Variants in L3MBTL4 observed in about 807,000 individuals in gnomAD.
L3MBTL4 encodes lethal(3)malignant brain tumor-like protein 4.
Under a neutral mutation model 84.5 loss-of-function variants are expected in L3MBTL4, and 70 were observed. The ratio of observed to expected loss-of-function variants is 0.83; its 90% confidence interval spans 0.68 to 1.01. The LOEUF (loss-of-function observed/expected upper bound fraction) is 1.01, where lower values mean the gene tolerates loss of function less well. Among genes scored for constraint, L3MBTL4 ranks in the 50% least tolerant of loss-of-function variants. The pLI is 0.00. For synonymous variants in L3MBTL4, 274 were observed against 259.8 expected, an observed-to-expected ratio of 1.05 and a Z score of -0.52; for missense variants, 715 against 754.8, an observed-to-expected ratio of 0.95 and a Z score of 0.62.
chr18:6,118,893 T>G (rs1190401368), intron 14 of L3MBTL4, among the ~76,000 whole-genome samples: 1 of 152,044 alleles, frequency 6.6e-6, no homozygotes, highest in Non-Finnish European at 1.5e-5. Context: ...AGAAGAACAG[T>G]ACTTTGATCA....
chr18:6,153,997 T>C (rs1270339191), intron 13 of L3MBTL4, among the ~76,000 whole-genome samples: 1 of 152,230 alleles, frequency 6.6e-6, no homozygotes, highest in African/African-American at 2.4e-5. Context: ...GATTACAGTA[T>C]CAGCAAACAG....
At chr18:6,039,524 T>C (rs2056305054) in intron 16 of L3MBTL4, among the ~76,000 whole-genome samples, 1 of 151,928 alleles carries the variant, frequency 6.6e-6, no homozygotes, top group East Asian at 2.0e-4. Context: ...AAGAGTGCCC[T>C]AGATCCTTTC....
At chr18:6,262,581 T>G (rs2048454873) in intron 5 of L3MBTL4, among the ~76,000 whole-genome samples, 1 of 152,164 alleles carries the variant, frequency 6.6e-6, no homozygotes, top group Admixed American at 6.5e-5. Context: ...CAGGAGGTTC[T>G]CAAGCTACAC....
chr18:6,342,573 G>A (rs2052660478), intron 1 of L3MBTL4, among the ~76,000 whole-genome samples: 1 of 151,954 alleles, frequency 6.6e-6, no homozygotes, highest in Non-Finnish European at 1.5e-5. Context: ...AAGCCGATGT[G>A]TTAGGTATTT....
At chr18:6,390,400 T>C (rs1263649187) in intron 1 of L3MBTL4, among the ~76,000 whole-genome samples, 1 of 152,094 alleles carries the variant, frequency 6.6e-6, no homozygotes, top group Non-Finnish European at 1.5e-5. Context: ...ATTAACAACT[T>C]ATTGTCACAC....
intron 16 of L3MBTL4, among the ~76,000 whole-genome samples, chr18:5,979,496 T>C (rs546992623): frequency 6.6e-6 from 1 of 152,310 alleles, no homozygotes; most frequent in African/African-American, 2.4e-5. Context: ...AGTGACTTCA[T>C]GAAGGATGGT....
intron 10 of L3MBTL4, among the ~76,000 whole-genome samples, chr18:6,221,500 AG>A (rs2046552102): frequency 6.6e-6 from 1 of 152,210 alleles, no homozygotes; most frequent in African/African-American, 2.4e-5. Flanking sequence ...TCTACTGATG[AG>A]GAAAGTGAGA....
At chr18:6,130,065 C>G (rs142671980) in intron 14 of L3MBTL4, among the ~76,000 whole-genome samples, 1 of 152,110 alleles carries the variant, frequency 6.6e-6, no homozygotes, top group Non-Finnish European at 1.5e-5. Context: ...TGAATAAAGA[C>G]TATGTCTGTT....
At chr18:6,217,074 A>T (rs963665216) in intron 10 of L3MBTL4, among the ~76,000 whole-genome samples, 1 of 152,146 alleles carries the variant, frequency 6.6e-6, no homozygotes, top group South Asian at 2.1e-4. Context: ...TAAAATAAGT[A>T]TTTTTTTACA....
intron 16 of L3MBTL4, among the ~76,000 whole-genome samples, chr18:6,065,590 T>C (rs2057373715): frequency 6.6e-6 from 1 of 152,070 alleles, no homozygotes; most frequent in East Asian, 1.9e-4. Flanking sequence ...TGGTTTTATG[T>C]CTCAGGACTT....
chr18:6,361,805 C>T (rs951882989), intron 1 of L3MBTL4, among the ~76,000 whole-genome samples: 15 of 152,040 alleles, frequency 9.9e-5, no homozygotes, highest in African/African-American at 3.4e-4. Context: ...GGCCTCTGCT[C>T]TGAGCAACTG....
intron 16 of L3MBTL4, among the ~76,000 whole-genome samples, chr18:5,973,615 G>A (rs926984787): frequency 1.3e-5 from 2 of 152,174 alleles, no homozygotes; most frequent in Admixed American, 1.3e-4. Context: ...AAGAACATAA[G>A]CTGATGATGA....
At chr18:6,236,466 G>A (rs1186906933) in intron 10 of L3MBTL4, among the ~76,000 whole-genome samples, 3 of 152,226 alleles carry the variant, frequency 2.0e-5, no homozygotes, top group Middle Eastern at 3.4e-3. Context: ...CTCACACAAC[G>A]CCAAGAGACT....
At chr18:6,161,192 A>G (rs1440064825) in intron 13 of L3MBTL4, among the ~76,000 whole-genome samples, 4 of 152,246 alleles carry the variant, frequency 2.6e-5, no homozygotes, top group Non-Finnish European at 4.4e-5. Context: ...CTCTATGTCA[A>G]ATAAAGCAGA....
intron 18 of L3MBTL4, 67 bp from the exon 19 acceptor site, chr18:5,956,454 C>A: frequency 6.7e-7 from 1 of 1,492,332 alleles, no homozygotes; most frequent in Non-Finnish European, 9.2e-7. Flanking sequence ...TCACCAGTAA[C>A]ACTTTGGTTC....
chr18:6,060,740 T>G (rs920539858), intron 16 of L3MBTL4, among the ~76,000 whole-genome samples: 6 of 152,176 alleles, frequency 3.9e-5, no homozygotes, highest in African/African-American at 1.4e-4. Context: ...TCAAGTATAT[T>G]GCATAGGCTT....
chr18:6,045,009 C>T (rs1291346240), intron 16 of L3MBTL4, among the ~76,000 whole-genome samples: 2 of 152,214 alleles, frequency 1.3e-5, no homozygotes, highest in Non-Finnish European at 2.9e-5. Flanking sequence ...CACTATAGCT[C>T]ATAAGCCTTG....
intron 14 of L3MBTL4, among the ~76,000 whole-genome samples, chr18:6,123,714 C>T (rs1332819707): frequency 6.6e-6 from 1 of 152,172 alleles, no homozygotes; most frequent in Non-Finnish European, 1.5e-5. Flanking sequence ...AGTGAGAAAT[C>T]ACCTAATCCA....
At chr18:6,151,570 TTTTTAG>T (rs771659312) in intron 13 of L3MBTL4, among the ~76,000 whole-genome samples, 7 of 152,086 alleles carry the variant, frequency 4.6e-5, no homozygotes, top group Non-Finnish European at 7.4e-5. Context: ...TTTTTTTGTA[TTTTTAG>T]TAGAGACGGG....
Sources: gnomAD v4.1 joint callset for allele counts (sites outside exome capture counted in the v4.1 genomes callset) on GRCh38, gnomAD v4.1.1 for gene constraint, MANE v1.5 for transcripts, NCBI Gene and HGNC (gene_info 2026-07-23, HGNC 2026-07-21) for gene names.